The following ERC2 variants were observed in gnomAD, a reference collection of about 807,000 sequenced individuals.
ERC2 encodes ELKS/RAB6-interacting/CAST family member 2.
A neutral mutation model predicts 114.8 loss-of-function variants in ERC2; 42 were observed. The ratio of observed to expected loss-of-function variants is 0.37; its 90% CI spans 0.29 to 0.47. The LOEUF (loss-of-function observed/expected upper bound fraction) is 0.47. Among genes scored for constraint, ERC2 ranks in the 20% least tolerant of loss-of-function variants. The probability of loss-of-function intolerance (pLI) is 0.99; values close to 1 mark genes in which losing one functional copy is unlikely to be tolerated. For synonymous variants in ERC2, 454 were observed against 425.5 expected (o/e 1.07, Z -0.82); for missense variants, 939 against 1,150.7 (o/e 0.82, Z 2.66).
chr3:55,868,018 T>A (rs115019837), intron 14 of ERC2, among the ~76,000 whole-genome samples: 87 of 152,328 alleles, frequency 5.7e-4, no homozygotes, highest in African/African-American at 2.0e-3. Context: ...CTAGCATAGA[T>A]AATTTTGCAT....
intron 2 of ERC2, among the ~76,000 whole-genome samples, chr3:56,367,274 T>C (rs2059186274): frequency 6.6e-6 from 1 of 152,116 alleles, no homozygotes; most frequent in African/African-American, 2.4e-5. Context: ...ATTTTTTTTT[T>C]TTTATTAGCA....
intron 14 of ERC2, among the ~76,000 whole-genome samples, chr3:55,822,677 A>G (rs1185030087): frequency 8.8e-6 from 1 of 113,094 alleles, no homozygotes; most frequent in Non-Finnish European, 1.8e-5. Context: ...CCATTCTCCT[A>G]CCTCAGCCTC....
chr3:56,463,014 C>T (rs2107581420), intron 1 of ERC2, among the ~76,000 whole-genome samples: 1 of 152,194 alleles, frequency 6.6e-6, no homozygotes, highest in Non-Finnish European at 1.5e-5. Flanking sequence ...ATCACTTGAG[C>T]TCGGGAGTTC....
At chr3:56,431,535 T>G (rs1464531170) in intron 2 of ERC2, among the ~76,000 whole-genome samples, 1 of 152,204 alleles carries the variant, frequency 6.6e-6, no homozygotes, top group Non-Finnish European at 1.5e-5. Context: ...TTAAGCAAAT[T>G]AGAAATAAAT....
intron 14 of ERC2, among the ~76,000 whole-genome samples, chr3:55,764,323 G>T (rs1260457258): frequency 1.3e-5 from 2 of 152,200 alleles, no homozygotes; most frequent in East Asian, 3.9e-4. Flanking sequence ...GCTTCCAGGT[G>T]AGCATAGGCC....
chr3:55,979,428 G>T (rs930435532), intron 12 of ERC2, among the ~76,000 whole-genome samples: 5 of 152,124 alleles, frequency 3.3e-5, no homozygotes, highest in African/African-American at 1.2e-4. Context: ...TTCATCCCAG[G>T]TTAAAATGTC....
chr3:56,312,840 C>T (rs1274488138), intron 2 of ERC2, among the ~76,000 whole-genome samples: 1 of 150,092 alleles, frequency 6.7e-6, no homozygotes, highest in Non-Finnish European at 1.5e-5. Flanking sequence ...ATACTGGTTC[C>T]TAATTAGCCT....
chr3:56,338,499 T>G (rs2057952442), intron 2 of ERC2, among the ~76,000 whole-genome samples: 1 of 152,162 alleles, frequency 6.6e-6, no homozygotes, highest in African/African-American at 2.4e-5. Context: ...GCCTGCCACC[T>G]GCAATTGCCT....
At chr3:56,302,543 C>T (rs2055952153) in intron 2 of ERC2, among the ~76,000 whole-genome samples, 1 of 152,180 alleles carries the variant, frequency 6.6e-6, no homozygotes. Flanking sequence ...CTAGCAAAGC[C>T]ACAGCACCTT....
intron 3 of ERC2, among the ~76,000 whole-genome samples, chr3:56,266,379 C>T (rs993662667): frequency 2.6e-5 from 4 of 152,066 alleles, no homozygotes; most frequent in African/African-American, 7.2e-5. Flanking sequence ...ATCCACCCGC[C>T]TCGGCCTCCC....
intron 5 of ERC2, among the ~76,000 whole-genome samples, chr3:56,140,752 T>C (rs1376069523): frequency 6.6e-6 from 1 of 151,970 alleles, no homozygotes; most frequent in East Asian, 1.9e-4. Flanking sequence ...AAAACAAAAA[T>C]GTATGACTCA....
chr3:56,024,087 T>C (rs1028399703), intron 7 of ERC2, among the ~76,000 whole-genome samples: 1 of 152,242 alleles, frequency 6.6e-6, no homozygotes, highest in African/African-American at 2.4e-5. Context: ...CTCTGGATTT[T>C]GTATTACCCA....
At chr3:55,767,089 C>G (rs1290906545) in intron 14 of ERC2, among the ~76,000 whole-genome samples, 3 of 152,194 alleles carry the variant, frequency 2.0e-5, no homozygotes, top group Non-Finnish European at 4.4e-5. Context: ...GTGAACAAAA[C>G]TAGGCAAAGG....
At chr3:55,519,342 T>TTGA (rs2107188083) in intron 17 of ERC2, among the ~76,000 whole-genome samples, 1 of 152,338 alleles carries the variant, frequency 6.6e-6, no homozygotes, top group East Asian at 1.9e-4. Context: ...AAGGGGATAC[T>TTGA]TGACATCATC....
At chr3:56,240,983 C>T (rs375406768) in intron 3 of ERC2, among the ~76,000 whole-genome samples, 1 of 152,116 alleles carries the variant, frequency 6.6e-6, no homozygotes, top group African/African-American at 2.4e-5. Context: ...TTTCCTCTCC[C>T]CCATTTTGGA....
At chr3:55,740,647 T>C (rs1450670237) in intron 14 of ERC2, among the ~76,000 whole-genome samples, 3 of 152,194 alleles carry the variant, frequency 2.0e-5, no homozygotes, top group Admixed American at 6.5e-5. Context: ...ATTCTGAATA[T>C]GTTAAGGCTT....
At chr3:56,459,044 C>T (rs887021141) in intron 1 of ERC2, among the ~76,000 whole-genome samples, 2 of 152,228 alleles carry the variant, frequency 1.3e-5, no homozygotes, top group Middle Eastern at 3.4e-3. Flanking sequence ...ATCATGGGAC[C>T]GCCCTAACCT....
At chr3:55,737,779 C>T (rs575921881) in intron 14 of ERC2, among the ~76,000 whole-genome samples, 176 of 152,290 alleles carry the variant, frequency 1.2e-3, no homozygotes, top group African/African-American at 3.8e-3. Flanking sequence ...CAAGCACAGG[C>T]ACTATTTTCT....
chr3:56,156,503 G>A (rs2081729138), intron 4 of ERC2, among the ~76,000 whole-genome samples: 1 of 152,112 alleles, frequency 6.6e-6, no homozygotes, highest in Admixed American at 6.5e-5. Context: ...CAGGGCCAAG[G>A]ATTAACTCTT....
Sources: allele counts gnomAD v4.1 joint callset (sites outside exome capture counted in the v4.1 genomes callset), GRCh38; gene constraint gnomAD v4.1.1; transcripts MANE v1.5; gene names NCBI Gene and HGNC (gene_info 2026-07-23, HGNC 2026-07-21).